Variants in GNAS observed in about 807,000 individuals in gnomAD.
GNAS encodes GNAS complex locus.
In GNAS, 8 loss-of-function variants were observed where a neutral mutation model predicts 54.5. The observed-to-expected ratio is 0.15, with a 90% CI of 0.09 to 0.26. The LOEUF is 0.26. GNAS is among the 10% of genes least tolerant of loss of function. The pLI is 1.00. For synonymous variants in GNAS, 204 were observed against 191.4 expected, an observed-to-expected ratio of 1.07 and a Z score of -0.54; for missense variants, 170 against 529.8, an observed-to-expected ratio of 0.32 and a Z score of 6.67.
At chr20:58,892,067 C>T (rs1317646712) in intron 1 of GNAS, 4 of 855,272 alleles carry the variant, frequency 4.7e-6, no homozygotes, top group Non-Finnish European at 5.6e-6. Context: ...AAAAACGGGG[C>T]GGGGGGCCGT....
chr20:58,880,497 A>G (rs2088155389), intron 1 of GNAS, among the ~76,000 whole-genome samples: 1 of 152,228 alleles, frequency 6.6e-6, no homozygotes, highest in Non-Finnish European at 1.5e-5. Context: ...CCCATTAAGC[A>G]GACCTCAGAA....
At chr20:58,847,397 G>A (rs746228770) in intron 1 of GNAS, among the ~76,000 whole-genome samples, 3 of 152,206 alleles carry the variant, frequency 2.0e-5, no homozygotes, top group East Asian at 1.9e-4. Context: ...CGGCCAAGGC[G>A]GGCAGAGGAG....
chr20:58,891,698 G>A lies in GNAS; in HGVS notation c.-29G>A, dbSNP rs749564047. 5 of 1,024,538 alleles carry A rather than the reference G, an allele frequency of 4.9e-6. No individual in the cohort carries two copies. Among genetic ancestry groups the A allele is most frequent in the Non-Finnish European group, 4.7e-6 (4 of 843,618 alleles). 63.5% of individuals were successfully genotyped at this position (1,024,538 alleles called of 1,614,324 possible). ...CCCGCGCCCGCCGCCGCCGCAGCCC[G>A]GCCGCGCCCCGCCGCCGCCGCCGCC... On this transcript the variant is annotated 5_prime_UTR_variant, in exon 1 of 13. Transcript: ENST00000371085.
chr20:58,861,943 G>A (rs2086805068), intron 1 of GNAS, among the ~76,000 whole-genome samples: 1 of 152,058 alleles, frequency 6.6e-6, no homozygotes, highest in Admixed American at 6.6e-5. Flanking sequence ...GACCTCAGAT[G>A]ATCTGCCCGC....
At chr20:58,858,672 C>T (rs1189616620) in intron 1 of GNAS, among the ~76,000 whole-genome samples, 1 of 152,128 alleles carries the variant, frequency 6.6e-6, no homozygotes, top group Non-Finnish European at 1.5e-5. Flanking sequence ...GGCTATTCTG[C>T]TATGATGCTT....
chr20:58,903,827 G>A (rs745515721), intron 5 of GNAS, 36 bp downstream of exon 5: 18 of 1,611,994 alleles, frequency 1.1e-5, no homozygotes, highest in South Asian at 5.5e-5. Context: ...CCTTAGCCCC[G>A]CCCACCTGAG....
At chr20:58,855,724 G>T in intron 1 of GNAS, 1 of 630,302 alleles carries the variant, frequency 1.6e-6, no homozygotes, top group South Asian at 1.9e-5. Context: ...CGGTGGGCTG[G>T]GGTCATTGGG....
chr20:58,891,589 C>G lies in GNAS; in HGVS notation c.-138C>G. The G allele has an allele frequency of 3.1e-6, 3 of 972,566 alleles. No homozygotes were observed. Among genetic ancestry groups the G allele is most frequent in the Non-Finnish European group, 2.4e-6 (2 of 822,834 alleles). 60.2% of individuals were successfully genotyped at this position (972,566 alleles called of 1,614,324 possible). ...GCGGCCCGCGGCCCGCAGTCCGCCC[C>G]GCGCGCTCCTTGCCGAGGAGCCGAG... On this transcript the variant is annotated 5_prime_UTR_variant, in exon 1 of 13. Transcript: ENST00000371085.
chr20:58,845,565 A>G (rs984811981), intron 1 of GNAS, among the ~76,000 whole-genome samples: 1 of 152,214 alleles, frequency 6.6e-6, no homozygotes, highest in African/African-American at 2.4e-5. Context: ...GGTTCTGTCA[A>G]ATTAAGTGAT....
At chr20:58,866,585 G>A (rs1272354389) in intron 1 of GNAS, among the ~76,000 whole-genome samples, 2 of 152,108 alleles carry the variant, frequency 1.3e-5, no homozygotes, top group Admixed American at 1.3e-4. Context: ...ATTATGGAAG[G>A]GGACTTTATA....
upstream of GNAS, among the ~76,000 whole-genome samples, chr20:58,890,339 G>A (rs1023891313): frequency 6.6e-6 from 1 of 151,316 alleles, no homozygotes; most frequent in African/African-American, 2.4e-5. Context: ...CCGCCGCCGG[G>A]GGCACGAGTA....
Position 58,909,043 on chromosome 20 carries a change from G to A in GNAS, c.531-119G>A, listed in dbSNP as rs1054385922. 2 of 842,676 alleles carry A rather than the reference G, an allele frequency of 2.4e-6. No individual in the cohort carries two copies. Among genetic ancestry groups the A allele is most frequent in the African/African-American group, 1.7e-5 (1 of 60,304 alleles). The allele number at this position is 842,676 out of a possible 1,614,324, so 52.2% of individuals were successfully genotyped here. On this transcript the variant is annotated intron_variant, in intron 6 of 12. Coordinates refer to ENST00000371085, the MANE Select transcript of GNAS (RefSeq NM_000516.7). This position sits in a 1 kb window ranked among gnomAD's most constrained non-coding sequence, Gnocchi z 7.3. Reference sequence around the variant, plus strand: ...CACAAGCAAATGTGCCATTGACTTAGTGCTGCATAACTGTGGGACGGTCAC... The same window carrying A: ...CACAAGCAAATGTGCCATTGACTTAATGCTGCATAACTGTGGGACGGTCAC...
At chr20:58,868,461 T>A (rs1333144819) in intron 1 of GNAS, among the ~76,000 whole-genome samples, 1 of 152,120 alleles carries the variant, frequency 6.6e-6, no homozygotes, top group Non-Finnish European at 1.5e-5. Context: ...GCTTTTTTTT[T>A]TTTTCTGGCC....
upstream of GNAS, chr20:58,889,256 C>T: frequency 6.5e-6 from 7 of 1,075,306 alleles, no homozygotes; most frequent in Non-Finnish European, 8.0e-6. Flanking sequence ...TGGCTCCGGG[C>T]TGCGGCGCGG....
chr20:58,889,739 C>G (rs185985752), upstream of GNAS, among the ~76,000 whole-genome samples: 3 of 150,868 alleles, frequency 2.0e-5, no homozygotes, highest in Admixed American at 6.6e-5. Context: ...CAGCCGCGCT[C>G]CGCGGCCCCG....
intron 1 of GNAS, among the ~76,000 whole-genome samples, chr20:58,849,658 C>A (rs2086076875): frequency 6.6e-6 from 1 of 152,196 alleles, no homozygotes; most frequent in South Asian, 2.1e-4. Context: ...GTGTTCCATC[C>A]ATCTGGGTGC....
In GNAS at chr20:58,895,595, T is replaced by C. The variant is rs1171653975; in HGVS notation, c.140-17T>C. 6.5e-7 allele frequency: 1 copy of C among 1,537,832 alleles called. No individual in the cohort carries two copies. Reference sequence around the variant, plus strand: ...AAATGCCTCCTTCATAACCTGAGACTTACTTTCATTTTCTAGGTGCTGGAG... The same window carrying C: ...AAATGCCTCCTTCATAACCTGAGACCTACTTTCATTTTCTAGGTGCTGGAG... On this transcript the variant is annotated splice_polypyrimidine_tract_variant and intron_variant, in intron 1 of 12. Transcript: ENST00000371085.
At chr20:58,865,554 T>C (rs1376279407) in intron 1 of GNAS, among the ~76,000 whole-genome samples, 4 of 149,634 alleles carry the variant, frequency 2.7e-5, no homozygotes, top group Non-Finnish European at 5.9e-5. Context: ...CTTTTTTTTT[T>C]CCAGAGAAAA....
intron 2 of GNAS, among the ~76,000 whole-genome samples, chr20:58,896,269 A>T (rs543265273): frequency 3.3e-5 from 5 of 152,212 alleles, no homozygotes; most frequent in Admixed American, 3.3e-4. Flanking sequence ...TGGGTAAATC[A>T]TTGTTTCCCT....
Sources: gnomAD v4.1 joint callset for allele counts (sites outside exome capture counted in the v4.1 genomes callset) on GRCh38, gnomAD v4.1.1 for gene constraint, Gnocchi (gnomAD v3.1) non-coding constraint, MANE v1.5 for transcripts, NCBI Gene and HGNC (gene_info 2026-07-23, HGNC 2026-07-21) for gene names.